The following INPP4B variants were observed in gnomAD, a reference collection of about 807,000 sequenced individuals.
The protein encoded by INPP4B is inositol polyphosphate 4-phosphatase type II.
Under a neutral mutation model 122.5 loss-of-function variants are expected in INPP4B, and 55 were observed. The observed-to-expected ratio is 0.45, with a 90% CI of 0.36 to 0.56. The LOEUF is 0.56. Among genes scored for constraint, INPP4B ranks in the 20% least tolerant of loss-of-function variants. The probability of loss-of-function intolerance (pLI) is 0.00; values close to 1 mark genes in which losing one functional copy is unlikely to be tolerated. For missense variants in INPP4B, 1,000 were observed against 1,097.7 expected, an observed-to-expected ratio of 0.91 and a Z score of 1.26; for synonymous variants, 403 against 388.7, an observed-to-expected ratio of 1.04 and a Z score of -0.43.
At chr4:142,079,943 T>C (rs1773010523) in intron 25 of INPP4B, among the ~76,000 whole-genome samples, 1 of 152,012 alleles carries the variant, frequency 6.6e-6, no homozygotes, top group Non-Finnish European at 1.5e-5. Flanking sequence ...AAAATCAGAG[T>C]ATTAACATTA....
At position 142,431,176 on chromosome 4, in the gene INPP4B, C is replaced by T. The variant is rs2149373089; in HGVS notation, c.84G>A (p.Gln28=). The T allele has an allele frequency of 1.2e-6, 2 of 1,612,448 alleles. No homozygotes were observed. The highest frequency in any genetic ancestry group is 8.5e-7 in the Non-Finnish European group (1 of 1,178,744). ...GGATACACACATACTTACTTGTGAA[C>T]TGACAGTCCCCGGGATCATTGGCCT... ...TAQANDPGDC[Q]FTSIQKTPNE... Residue 28 remains glutamine (Q), a synonymous_variant, in exon 4 of 26, where the codon CAG becomes CAA. Coordinates refer to ENST00000262992, the MANE Select transcript of INPP4B (RefSeq NM_001101669.3).
At chr4:142,134,760 G>A (rs902169463) in intron 18 of INPP4B, among the ~76,000 whole-genome samples, 105 of 130,236 alleles carry the variant, frequency 8.1e-4, no homozygotes, top group Non-Finnish European at 1.4e-3. Context: ...TCACACCATT[G>A]CATTCCAGCC....
chr4:142,322,508 A>G (rs576311450), intron 7 of INPP4B, among the ~76,000 whole-genome samples: 1 of 152,320 alleles, frequency 6.6e-6, no homozygotes, highest in South Asian at 2.1e-4. Context: ...GACTCTGGCA[A>G]AATGGAATCA....
At chr4:142,332,782 A>G (rs1215577702) in intron 7 of INPP4B, among the ~76,000 whole-genome samples, 1 of 151,406 alleles carries the variant, frequency 6.6e-6, no homozygotes, top group South Asian at 2.1e-4. Context: ...AGAAGGGCTG[A>G]TCACGAGGTC....
At chr4:142,786,409 C>G (rs574240208) in intron 1 of INPP4B, among the ~76,000 whole-genome samples, 1 of 152,156 alleles carries the variant, frequency 6.6e-6, no homozygotes, top group East Asian at 1.9e-4. Flanking sequence ...AAATAATTAA[C>G]TAAGAATCTA....
At chr4:142,207,225 G>A (rs779152647) in intron 14 of INPP4B, among the ~76,000 whole-genome samples, 91 of 152,132 alleles carry the variant, frequency 6.0e-4, no homozygotes, top group Non-Finnish European at 7.5e-4. Flanking sequence ...TCTTGGCTAC[G>A]GTGAACAATG....
intron 2 of INPP4B, among the ~76,000 whole-genome samples, chr4:142,666,061 C>G (rs1219760342): frequency 1.3e-5 from 2 of 152,126 alleles, no homozygotes; most frequent in Admixed American, 6.5e-5. Flanking sequence ...CTATACGGTA[C>G]TCATCACAGT....
intron 1 of INPP4B, among the ~76,000 whole-genome samples, chr4:142,768,981 T>C (rs907432099): frequency 6.6e-6 from 1 of 152,214 alleles, no homozygotes; most frequent in Non-Finnish European, 1.5e-5. Flanking sequence ...CAGATGGTAT[T>C]CTATTACAAT....
chr4:142,669,558 T>C (rs111229317), intron 2 of INPP4B, among the ~76,000 whole-genome samples: 7 of 152,216 alleles, frequency 4.6e-5, no homozygotes, highest in African/African-American at 1.4e-4. Flanking sequence ...GATTATACAA[T>C]AAAGCACAGT....
intron 2 of INPP4B, among the ~76,000 whole-genome samples, chr4:142,599,385 C>T (rs974290320): frequency 2.0e-5 from 3 of 152,140 alleles, no homozygotes; most frequent in African/African-American, 4.8e-5. Context: ...TAACTGTACC[C>T]TAAACTACTG....
intron 2 of INPP4B, among the ~76,000 whole-genome samples, chr4:142,711,362 G>A (rs2150797030): frequency 6.6e-6 from 1 of 152,080 alleles, no homozygotes; most frequent in East Asian, 1.9e-4. Flanking sequence ...TTTGTTTACT[G>A]CCTGTCTTCT....
chr4:142,389,727 T>C (rs1209982547), intron 7 of INPP4B, among the ~76,000 whole-genome samples: 1 of 152,090 alleles, frequency 6.6e-6, no homozygotes, highest in African/African-American at 2.4e-5. Context: ...ACTTATGAGA[T>C]TTTTTACCAA....
intron 1 of INPP4B, among the ~76,000 whole-genome samples, chr4:142,782,640 A>C (rs953613053): frequency 3.3e-5 from 5 of 151,834 alleles, no homozygotes; most frequent in African/African-American, 1.2e-4. Context: ...CCTCTCCAGC[A>C]CCTGTTGTTT....
At chr4:142,403,986 TAAG>T (rs1247056121) in intron 6 of INPP4B, among the ~76,000 whole-genome samples, 2 of 152,096 alleles carry the variant, frequency 1.3e-5, no homozygotes, top group Non-Finnish European at 2.9e-5. Context: ...AAATGAAAAT[TAAG>T]AAAAAATCAA....
At chr4:142,721,726 C>A (rs746821637) in intron 2 of INPP4B, among the ~76,000 whole-genome samples, 11 of 151,990 alleles carry the variant, frequency 7.2e-5, no homozygotes, top group Non-Finnish European at 1.2e-4. Context: ...GAGGCTGAGG[C>A]AGGAGAATTG....
At chr4:142,780,437 T>C (rs996382550) in intron 1 of INPP4B, among the ~76,000 whole-genome samples, 1 of 152,172 alleles carries the variant, frequency 6.6e-6, no homozygotes, top group Non-Finnish European at 1.5e-5. Flanking sequence ...ACAGCACGTT[T>C]AACATGATAC....
chr4:142,354,495 A>ATCTTC lies in INPP4B; in HGVS notation c.373-39734_373-39733insGAAGA, dbSNP rs1259299361. 2.6e-5 allele frequency among the ~76,000 whole-genome samples: 4 copies of ATCTTC among 152,020 alleles called. No homozygotes were observed. The East Asian group carries it at 5.8e-4, about 22-fold the overall frequency. On this transcript the variant is annotated intron_variant, in intron 7 of 25. Coordinates refer to ENST00000262992, the MANE Select transcript of INPP4B (RefSeq NM_001101669.3). ...ACCTTTTATCTATCTTGGGCATTTAAGGAATAAACCGGCCAGAACAATTCA... is the reference window on the plus strand; with the variant it reads ...ACCTTTTATCTATCTTGGGCATTTAATCTTCGGAATAAACCGGCCAGAACAATTCA...
intron 22 of INPP4B, among the ~76,000 whole-genome samples, chr4:142,111,064 A>C (rs1354513427): frequency 6.6e-6 from 1 of 152,024 alleles, no homozygotes; most frequent in African/African-American, 2.4e-5. Context: ...GCTGAGACAA[A>C]TATATATATA....
intron 25 of INPP4B, among the ~76,000 whole-genome samples, chr4:142,069,597 AAAG>A (rs1358548313): frequency 2.0e-5 from 3 of 152,310 alleles, no homozygotes; most frequent in South Asian, 4.1e-4. Flanking sequence ...CAAGACTAAT[AAAG>A]AAGAAAAAAG....
Sources: gnomAD v4.1 joint callset for allele counts (sites outside exome capture counted in the v4.1 genomes callset) on GRCh38, gnomAD v4.1.1 for gene constraint, MANE v1.5 for transcripts, NCBI Gene and HGNC (gene_info 2026-07-23, HGNC 2026-07-21) for gene names.